Variants in CFAP54 observed in about 807,000 individuals in gnomAD.
The protein encoded by CFAP54 is cilia and flagella associated protein 54, also known as cilia- and flagella-associated protein 54.
In CFAP54, 290 loss-of-function variants were observed where a neutral mutation model predicts 370.4. The ratio of observed to expected loss-of-function variants is 0.78; its 90% confidence interval spans 0.71 to 0.86. CFAP54 has a LOEUF of 0.86. CFAP54 is among the 40% of genes least tolerant of loss of function. The pLI is 0.00. For synonymous variants in CFAP54, 1,206 were observed against 1,236.5 expected (o/e 0.98, Z 0.52); for missense variants, 3,399 against 3,528.7 (o/e 0.96, Z 0.93).
chr12:96,540,822 A>G lies in CFAP54; in HGVS notation c.1927-15A>G. 3 of 1,407,336 alleles carry G rather than the reference A, an allele frequency of 2.1e-6. No homozygotes were observed. Among genetic ancestry groups the G allele is most frequent in the Non-Finnish European group, 2.8e-6 (3 of 1,081,282 alleles). 87.2% of individuals were successfully genotyped at this position (1,407,336 alleles called of 1,614,324 possible). A position where few individuals can be genotyped will look rare whatever the true frequency, so the allele number is the denominator to read the frequency against. On this transcript the variant is annotated splice_polypyrimidine_tract_variant and intron_variant, in intron 13 of 67. Transcript: ENST00000524981. ...ATACTTTTAATTAATTTTGCTGTGTATTTTCTCTTTTTAGTGGATTTATCT... is the reference window on the plus strand; with the variant it reads ...ATACTTTTAATTAATTTTGCTGTGTGTTTTCTCTTTTTAGTGGATTTATCT...
chr12:96,767,623 T>G (rs768216086), intron 60 of CFAP54, among the ~76,000 whole-genome samples: 11 of 152,212 alleles, frequency 7.2e-5, no homozygotes, highest in Non-Finnish European at 1.3e-4. Context: ...TAATTCATGT[T>G]GATGACTTCC....
chr12:96,623,160 A>C (rs1006241935), intron 27 of CFAP54, among the ~76,000 whole-genome samples: 3 of 148,848 alleles, frequency 2.0e-5, no homozygotes, highest in African/African-American at 7.4e-5. Context: ...AGAGCTACTC[A>C]AGGTTCCTTT....
At chr12:96,525,595 T>C (rs1288829551) in intron 8 of CFAP54, among the ~76,000 whole-genome samples, 1 of 152,182 alleles carries the variant, frequency 6.6e-6, no homozygotes, top group African/African-American at 2.4e-5. Context: ...GCTGTTTCAA[T>C]ATGTATTTTT....
At position 96,800,557 on chromosome 12, in the gene CFAP54, C is replaced by T. The variant is rs1048356188; in HGVS notation, c.8850+8058C>T. Among the ~76,000 whole-genome samples the T allele has an allele frequency of 3.9e-5, 6 of 152,256 alleles. No homozygotes were observed. In the South Asian group the frequency reaches 1.2e-3, roughly 32 times the overall value. ...CAGTCAAAAAGTCAAGAAACACTGACCTAGATGCACTAGATCTCAGACTCC... is the reference window on the plus strand; with the variant it reads ...CAGTCAAAAAGTCAAGAAACACTGATCTAGATGCACTAGATCTCAGACTCC... On this transcript the variant is annotated intron_variant, in intron 63 of 67. Transcript: ENST00000524981.
intron 60 of CFAP54, among the ~76,000 whole-genome samples, chr12:96,783,444 G>A (rs1325753399): frequency 6.6e-6 from 1 of 152,092 alleles, no homozygotes; most frequent in Non-Finnish European, 1.5e-5. Flanking sequence ...TTATTTATGT[G>A]CATGTATATA....
chr12:96,873,684 A>ATGCTATGCGTTTGCTATG, intron 67 of CFAP54, among the ~76,000 whole-genome samples: 1 of 152,372 alleles, frequency 6.6e-6, no homozygotes, highest in South Asian at 2.1e-4. Flanking sequence ...CTCTGCCATT[A>ATGCTATGCGTTTGCTATG]CAGTGCAAAA....
intron 48 of CFAP54, 29 bp from the exon 49 acceptor site, chr12:96,718,414 G>T (rs1592723403): frequency 1.9e-6 from 2 of 1,074,330 alleles, no homozygotes; most frequent in Non-Finnish European, 2.9e-6. Context: ...AGATATCCTT[G>T]GTCCTTCCAA....
rs1202353059 is a variant in CFAP54, at chr12:96,644,334, A to C, written c.4473A>C (p.Ala1491=). 2 of 1,535,918 alleles carry C rather than the reference A, an allele frequency of 1.3e-6. No individual in the cohort carries two copies. The change falls in exon 33 of 68, where the codon GCA becomes GCC. Residue 1491 remains alanine, a synonymous_variant. Coordinates refer to ENST00000524981, the MANE Select transcript of CFAP54 (RefSeq NM_001306084.2). ...AGATGAACCTGTATCTAGCAGGTGC[A>C]CACTTTAACCTGGTTTTACAAAAGC... ...RAQMNLYLAG[A]HFNLVLQKLW...
intron 20 of CFAP54, among the ~76,000 whole-genome samples, chr12:96,576,997 T>C (rs1480882074): frequency 7.9e-5 from 12 of 152,220 alleles, no homozygotes; most frequent in Non-Finnish European, 8.8e-5. Context: ...AATATATTGT[T>C]AGGAGAAACA....
intron 66 of CFAP54, among the ~76,000 whole-genome samples, chr12:96,858,336 TG>T (rs1431919409): frequency 2.6e-5 from 4 of 152,206 alleles, no homozygotes; most frequent in Non-Finnish European, 5.9e-5. Flanking sequence ...CGTTTTTTAG[TG>T]GGATTGTTTT....
At chr12:96,740,098 T>G in intron 51 of CFAP54, 37 bp downstream of exon 51, 1 of 1,146,278 alleles carries the variant, frequency 8.7e-7, no homozygotes, top group Non-Finnish European at 1.3e-6. Context: ...ACAATACTTA[T>G]CATATAAGAA....
intron 44 of CFAP54, among the ~76,000 whole-genome samples, chr12:96,693,470 A>G (rs994468374): frequency 7.9e-5 from 12 of 152,200 alleles, no homozygotes; most frequent in African/African-American, 2.9e-4. Context: ...AGAGATGTGC[A>G]ACCTAGGTTT....
At chr12:96,492,994 C>CAA (rs11362891) in intron 1 of CFAP54, among the ~76,000 whole-genome samples, 2,917 of 113,558 alleles carry the variant, frequency 0.026, 106 homozygotes, top group African/African-American at 0.087. Flanking sequence ...GACTCTGTCT[C>CAA]AAAAAAAAAA....
chr12:96,539,404 G>A (rs934892715), intron 13 of CFAP54, among the ~76,000 whole-genome samples: 1 of 151,914 alleles, frequency 6.6e-6, no homozygotes, highest in African/African-American at 2.4e-5. Flanking sequence ...CCAGGCACAG[G>A]GGCTGACACC....
At chr12:96,556,507 T>C (rs1228566192) in intron 17 of CFAP54, among the ~76,000 whole-genome samples, 1 of 152,098 alleles carries the variant, frequency 6.6e-6, no homozygotes, top group Non-Finnish European at 1.5e-5. Context: ...CAAACTTGAG[T>C]GCATTGAAAC....
chr12:96,579,426 A>G (rs1163461370), intron 20 of CFAP54, among the ~76,000 whole-genome samples: 1 of 152,242 alleles, frequency 6.6e-6, no homozygotes, highest in African/African-American at 2.4e-5. Flanking sequence ...TTTGTATTTT[A>G]AAGAAGTAAT....
At chr12:96,699,776 G>A (rs1957472344) in intron 45 of CFAP54, among the ~76,000 whole-genome samples, 195 bp from the exon 46 acceptor site, 1 of 152,138 alleles carries the variant, frequency 6.6e-6, no homozygotes, top group Non-Finnish European at 1.5e-5. Flanking sequence ...TTGGTCCATT[G>A]CACATGTGTA....
intron 66 of CFAP54, among the ~76,000 whole-genome samples, chr12:96,846,584 G>A (rs1959353633): frequency 1.3e-5 from 2 of 152,088 alleles, no homozygotes; most frequent in Admixed American, 6.5e-5. Context: ...AATATGTACG[G>A]CCTAAACTTT....
chr12:96,664,704 T>G (rs1476058213), intron 39 of CFAP54, among the ~76,000 whole-genome samples: 4 of 9,534 alleles, frequency 4.2e-4, no homozygotes, highest in Non-Finnish European at 7.4e-4. Context: ...TATCTATATA[T>G]ATATATATAT....
Sources: allele counts gnomAD v4.1 joint callset (sites outside exome capture counted in the v4.1 genomes callset), GRCh38; gene constraint gnomAD v4.1.1; transcripts MANE v1.5; gene names NCBI Gene and HGNC (gene_info 2026-07-23, HGNC 2026-07-21).